The following UCHL5 variants were observed in gnomAD, a reference collection of about 807,000 sequenced individuals.
The protein encoded by UCHL5 is ubiquitin C-terminal hydrolase L5.
UCHL5 carries 34 observed loss-of-function variants against 53.8 expected under a neutral mutation model. That is an observed-to-expected ratio of 0.63 (90% CI 0.48 to 0.84). The LOEUF is 0.84. Ranked by LOEUF, UCHL5 falls within the 40% of genes least tolerant of loss-of-function variation. The pLI is 0.00. For synonymous variants in UCHL5, 111 were observed against 126.3 expected, an observed-to-expected ratio of 0.88 and a Z score of 0.81; for missense variants, 290 against 385.6, an observed-to-expected ratio of 0.75 and a Z score of 2.08.
At chr1:193,059,916 C>T (rs41265201), upstream of UCHL5, 15 of 1,365,942 alleles carry the variant, frequency 1.1e-5, no homozygotes, top group South Asian at 5.7e-5. This position sits in a 1 kb window ranked among gnomAD's most constrained non-coding sequence, Gnocchi z 4.9. Context: ...CGCTCTTCCC[C>T]GTCCCGCTTC....
chr1:193,022,562 A>G (rs944040663), intron 9 of UCHL5, among the ~76,000 whole-genome samples: 1 of 150,490 alleles, frequency 6.6e-6, no homozygotes, highest in Non-Finnish European at 1.5e-5. Flanking sequence ...GCTACTTGAG[A>G]GGCTGAGGCA....
At chr1:193,024,543 C>G (rs1379492135) in intron 7 of UCHL5, among the ~76,000 whole-genome samples, 1 of 149,058 alleles carries the variant, frequency 6.7e-6, no homozygotes, top group Non-Finnish European at 1.5e-5. Flanking sequence ...TCATGATGAA[C>G]TTTCTATTTT....
intron 1 of UCHL5, among the ~76,000 whole-genome samples, chr1:193,052,527 C>T (rs1669378897): frequency 6.6e-6 from 1 of 152,194 alleles, no homozygotes. Flanking sequence ...AAAATATCAA[C>T]AGTGCCAAGG....
chr1:193,022,853 T>C, intron 9 of UCHL5, 73 bp downstream of exon 9: 3 of 1,038,392 alleles, frequency 2.9e-6, no homozygotes, highest in Non-Finnish European at 4.4e-6. Context: ...CCATCAGATA[T>C]TCAATGTACC....
intron 9 of UCHL5, 134 bp from the exon 10 acceptor site, chr1:193,021,329 T>C: frequency 1.5e-5 from 9 of 589,600 alleles, no homozygotes; most frequent in Non-Finnish European, 2.6e-5. Context: ...TGAGATTCCA[T>C]TCCCACTGAG....
At chr1:193,042,524 C>T (rs1204887846) in intron 3 of UCHL5, among the ~76,000 whole-genome samples, 2 of 152,154 alleles carry the variant, frequency 1.3e-5, no homozygotes, top group Non-Finnish European at 2.9e-5. Flanking sequence ...CCTCCTCCGT[C>T]CTCACATCTA....
chr1:193,044,229 C>T (rs1666651772), intron 3 of UCHL5, among the ~76,000 whole-genome samples: 1 of 152,138 alleles, frequency 6.6e-6, no homozygotes. Flanking sequence ...TTCCACGAAA[C>T]TCTAAGCATA....
At chr1:193,029,104 G>C (rs1571590243) in intron 6 of UCHL5, 75 bp downstream of exon 6, 2 of 1,535,402 alleles carry the variant, frequency 1.3e-6, no homozygotes, top group East Asian at 4.5e-5. Flanking sequence ...AATTTAAGCA[G>C]CACTGAATGA....
At chr1:193,043,151 T>TAAAAAAAAAAAAA (rs200951342) in intron 3 of UCHL5, among the ~76,000 whole-genome samples, 19 of 36,370 alleles carry the variant, frequency 5.2e-4, no homozygotes, top group African/African-American at 1.1e-3. Context: ...TCTTGAATAT[T>TAAAAAAAAAAAAA]AAAAAAAAAA....
chr1:193,023,168 T>A, intron 8 of UCHL5, 132 bp from the exon 9 acceptor site: 1 of 633,728 alleles, frequency 1.6e-6, no homozygotes, highest in Non-Finnish European at 2.7e-6. Context: ...CATGCCCGCC[T>A]AACAGCAGCA....
chr1:193,042,620 C>A (rs903628435), intron 3 of UCHL5, among the ~76,000 whole-genome samples: 2 of 152,144 alleles, frequency 1.3e-5, no homozygotes, highest in East Asian at 1.9e-4. Context: ...TTTACTATCA[C>A]ATGGACTTCT....
At chr1:193,033,179 A>G (rs1320556680) in intron 3 of UCHL5, among the ~76,000 whole-genome samples, 1 of 152,200 alleles carries the variant, frequency 6.6e-6, no homozygotes, top group African/African-American at 2.4e-5. Context: ...CATATACACC[A>G]TGGAATACTA....
intron 7 of UCHL5, 127 bp from the exon 8 acceptor site, chr1:193,024,073 TA>T: frequency 1.4e-6 from 1 of 708,848 alleles, no homozygotes; most frequent in Non-Finnish European, 2.2e-6. Context: ...TGGCTAGCAA[TA>T]AAAATGGACA....
chr1:193,014,270 CA>C lies in UCHL5; in HGVS notation c.*2080del, dbSNP rs1482031441. On this transcript the variant is annotated 3_prime_UTR_variant, in exon 11 of 11. Transcript: ENST00000367454. ...AGACAGAAGTAATCATGAAGTATCACAAGGGATTTGCAATCACCAAAGAAGA... is the reference window on the plus strand; with the variant it reads ...AGACAGAAGTAATCATGAAGTATCACAGGGATTTGCAATCACCAAAGAAGA... 6.6e-6 allele frequency: 1 copy of C among 152,012 alleles called. No individual in the cohort carries two copies. 9.4% of individuals were successfully genotyped at this position (152,012 alleles called of 1,614,324 possible).
At chr1:193,034,583 A>C (rs1398066635) in intron 3 of UCHL5, among the ~76,000 whole-genome samples, 1 of 152,106 alleles carries the variant, frequency 6.6e-6, no homozygotes, top group Non-Finnish European at 1.5e-5. Context: ...AGAAAATTCC[A>C]ACTCATTTCA....
At position 193,051,229 on chromosome 1, in the gene UCHL5, G is replaced by C. The variant is rs116817547; in HGVS notation, c.140+525C>G. On this transcript the variant is annotated intron_variant, in intron 2 of 10. Transcript: ENST00000367454. ...TGAGGGCATGGTAGTCAGGGGTAAG[G>C]AGAAGTTAAAAGAGGTGATTCTGGT... Among the ~76,000 whole-genome samples the C allele has an allele frequency of 7.2e-3, 1,103 of 152,230 alleles. 17 individuals are homozygous for C. Among genetic ancestry groups the C allele is most frequent in the African/African-American group, 0.025 (1,050 of 41,538 alleles).
At chr1:193,045,507 A>C (rs932458740) in intron 3 of UCHL5, among the ~76,000 whole-genome samples, 4 of 152,170 alleles carry the variant, frequency 2.6e-5, no homozygotes, top group Admixed American at 6.5e-5. Context: ...GCCATGTGAG[A>C]TGTCTGTTCC....
At chr1:193,026,943 A>C (rs1219417582) in intron 7 of UCHL5, among the ~76,000 whole-genome samples, 3 of 152,242 alleles carry the variant, frequency 2.0e-5, no homozygotes, top group African/African-American at 7.2e-5. Context: ...GATACACTTA[A>C]AAACTTGGAA....
At chr1:193,060,005 G>C, upstream of UCHL5, 1 of 1,361,604 alleles carries the variant, frequency 7.3e-7, no homozygotes, top group Non-Finnish European at 9.8e-7. Flanking sequence ...CCATTCCTCA[G>C]GGTGGGCCCT....
Sources: allele counts gnomAD v4.1 joint callset (sites outside exome capture counted in the v4.1 genomes callset), GRCh38; gene constraint gnomAD v4.1.1; non-coding constraint Gnocchi (gnomAD v3.1); transcripts MANE v1.5; gene names NCBI Gene and HGNC (gene_info 2026-07-23, HGNC 2026-07-21).